The following WAPL variants were observed in gnomAD, a reference collection of about 807,000 sequenced individuals.
WAPL encodes wings apart-like protein homolog.
WAPL carries 5 observed loss-of-function variants against 121.0 expected under a neutral mutation model. The observed-to-expected ratio is 0.04, with a 90% CI of 0.02 to 0.09. The LOEUF is 0.09. Among genes scored for constraint, WAPL ranks in the 10% least tolerant of loss-of-function variants. The probability of loss-of-function intolerance (pLI) is 1.00; values close to 1 mark genes in which losing one functional copy is unlikely to be tolerated. For missense variants in WAPL, 999 were observed against 1,410.8 expected, an observed-to-expected ratio of 0.71 and a Z score of 4.68; for synonymous variants, 480 against 481.5, an observed-to-expected ratio of 1.00 and a Z score of 0.04.
At position 86,495,075 on chromosome 10, in the gene WAPL, G is replaced by C. The variant is rs148788077; in HGVS notation, c.1644+2126C>G. Among the ~76,000 whole-genome samples, 827 of 152,178 alleles carry C rather than the reference G, an allele frequency of 5.4e-3. 21 individuals carry two copies. Among genetic ancestry groups the C allele is most frequent in the East Asian group, 5.6e-3 (29 of 5,180 alleles). On this transcript the variant is annotated intron_variant, in intron 4 of 18. Coordinates refer to ENST00000298767, the MANE Select transcript of WAPL (RefSeq NM_015045.5). ...ACACTCATTCTTTAGTTATTTAAAA[G>C]CAATTCAATCTACAAGAATAAAAGG...
At chr10:86,501,444 C>T (rs1281674022) in intron 2 of WAPL, among the ~76,000 whole-genome samples, 1 of 152,132 alleles carries the variant, frequency 6.6e-6, no homozygotes, top group African/African-American at 2.4e-5. Context: ...TTTTTACAAC[C>T]TTTCCAAATG....
chr10:86,472,240 C>T lies in WAPL; in HGVS notation c.1998G>A (p.Lys666=), dbSNP rs777196142. The change falls in exon 7 of 19, where the codon AAG becomes AAA. Residue 666 remains lysine, a synonymous_variant. Coordinates refer to ENST00000298767, the MANE Select transcript of WAPL (RefSeq NM_015045.5). This position sits in a 1 kb window ranked among gnomAD's most constrained non-coding sequence, Gnocchi z 4.2. ...AACGTGTGTTTAGAGGCTGAGTGCT[C>T]TTTAAGCCACTTAACAAGTACTCAA... ...DDIEYLLSGL[K]STQPLNTRCL... 9.4e-6 allele frequency: 15 copies of T among 1,592,764 alleles called. No homozygotes were observed. In the South Asian group the frequency reaches 1.2e-4, roughly 12 times the overall value.
Position 86,460,390 on chromosome 10 carries a change from C to T in WAPL, c.2580+9G>A, listed in dbSNP as rs1360056455. 3 of 1,612,004 alleles carry T rather than the reference C, an allele frequency of 1.9e-6. No homozygotes were observed. Among genetic ancestry groups the T allele is most frequent in the Non-Finnish European group, 1.7e-6 (2 of 1,179,034 alleles). On this transcript the variant is annotated intron_variant, in intron 11 of 18. Transcript: ENST00000298767. ...GAATAATTTTTGCCAAATAGTCATC[C>T]ATACTTACACTTTCTAAAACTCGTA...
At chr10:86,441,252 T>C (rs1350840959) in intron 17 of WAPL, among the ~76,000 whole-genome samples, 2 of 152,198 alleles carry the variant, frequency 1.3e-5, no homozygotes, top group African/African-American at 4.8e-5. Context: ...TGCTGGACCC[T>C]TCTTCAACAG....
chr10:86,515,250 G>A lies in WAPL; in HGVS notation c.499+2321C>T, dbSNP rs189711286. Reference sequence around the variant, plus strand: ...CACTCCAGCCTGGGGGGACAAGAGCGAGACTTCATCTCAAAAAAAAAAAAG... The same window carrying A: ...CACTCCAGCCTGGGGGGACAAGAGCAAGACTTCATCTCAAAAAAAAAAAAG... On this transcript the variant is annotated intron_variant, in intron 2 of 18. Coordinates refer to ENST00000298767, the MANE Select transcript of WAPL (RefSeq NM_015045.5). Among the ~76,000 whole-genome samples the A allele has an allele frequency of 5.3e-5, 8 of 150,294 alleles. No individual in the cohort carries two copies. The East Asian group carries it at 9.8e-4, about 18-fold the overall frequency.
chr10:86,521,145 G>C (rs1389521762), intron 1 of WAPL, among the ~76,000 whole-genome samples: 2 of 152,188 alleles, frequency 1.3e-5, no homozygotes, highest in South Asian at 2.1e-4. Context: ...CACTTGACTG[G>C]GTTTGGGGAG....
chr10:86,453,435 G>C (rs1841049548), intron 13 of WAPL, 100 bp from the exon 14 acceptor site: 1 of 1,311,944 alleles, frequency 7.6e-7, no homozygotes, highest in African/African-American at 1.5e-5. Context: ...GAATTGTATA[G>C]TCATTCCTCT....
rs1465978819 is a variant in WAPL at position 86,517,769 on chromosome 10, T to G, written c.301A>C (p.Ser101Arg). 1 of 1,614,180 alleles carries G rather than the reference T, an allele frequency of 6.2e-7. No homozygotes were observed. Among genetic ancestry groups the G allele is most frequent in the Non-Finnish European group, 8.5e-7 (1 of 1,180,024 alleles). The change falls in exon 2 of 19, where the codon AGT becomes CGT. Residue 101 changes from serine (S) to arginine (R), a missense_variant. This residue lies in a region of WAPL where 531 missense variants were observed against 563.1 expected (regional missense o/e 0.94). Transcript: ENST00000298767. The part of the protein sequence containing the change: ...QVKCSSYSES[S>R]EAAQLEEVTS... Reference sequence around the variant, plus strand: ...ACCTCTTCCAACTGAGCAGCTTCACTAGATTCTGAATAAGAGGAACACTTA... The same window carrying G: ...ACCTCTTCCAACTGAGCAGCTTCACGAGATTCTGAATAAGAGGAACACTTA...
chr10:86,484,098 A>G (rs1247121599), intron 4 of WAPL, among the ~76,000 whole-genome samples: 2 of 152,212 alleles, frequency 1.3e-5, no homozygotes, highest in African/African-American at 4.8e-5. Context: ...ATAAAGAATG[A>G]AAATATTTTT....
At chr10:86,473,074 A>G (rs1386070058) in intron 5 of WAPL, among the ~76,000 whole-genome samples, 1 of 152,204 alleles carries the variant, frequency 6.6e-6, no homozygotes, top group Non-Finnish European at 1.5e-5. Context: ...AACTGCATGC[A>G]AAAATAGCTT....
At chr10:86,459,190 G>A in intron 11 of WAPL, 125 bp from the exon 12 acceptor site, 55 of 674,328 alleles carry the variant, frequency 8.2e-5, no homozygotes, top group South Asian at 2.3e-4. Flanking sequence ...GTTACCAAAG[G>A]GAATAATTTC....
chr10:86,438,674 A>ATGTACTC (rs1255174163), intron 17 of WAPL, among the ~76,000 whole-genome samples: 1 of 152,190 alleles, frequency 6.6e-6, no homozygotes, highest in East Asian at 1.9e-4. Context: ...AGACCTGAGA[A>ATGTACTC]TGTACTCACA....
chr10:86,445,360 C>T (rs1849582003), intron 16 of WAPL, among the ~76,000 whole-genome samples: 1 of 152,088 alleles, frequency 6.6e-6, no homozygotes, highest in Non-Finnish European at 1.5e-5. Context: ...GGATGTGGAA[C>T]CCACATGTAT....
intron 11 of WAPL, among the ~76,000 whole-genome samples, 198 bp downstream of exon 11, chr10:86,460,201 C>A (rs1470828255): frequency 6.6e-6 from 1 of 152,154 alleles, no homozygotes; most frequent in African/African-American, 2.4e-5. Context: ...AGCAATAATA[C>A]ATGTACTCTT....
At chr10:86,455,697 G>GAAAAAAAAAAAAAAA (rs1220963010) in intron 12 of WAPL, among the ~76,000 whole-genome samples, 2 of 131,342 alleles carry the variant, frequency 1.5e-5, no homozygotes, top group East Asian at 2.2e-4. Context: ...AAAAAAAAAA[G>GAAAAAAAAAAAAAAA]AAAGAAAGAA....
chr10:86,464,782 GCCGAGATCA>G (rs1307767010), intron 9 of WAPL, among the ~76,000 whole-genome samples: 1 of 151,630 alleles, frequency 6.6e-6, no homozygotes, highest in Non-Finnish European at 1.5e-5. Context: ...GCTGCAGTGA[GCCGAGATCA>G]CACCACTGCA....
At chr10:86,446,614 G>A (rs1202114156) in intron 15 of WAPL, among the ~76,000 whole-genome samples, 165 bp from the exon 16 acceptor site, 1 of 152,172 alleles carries the variant, frequency 6.6e-6, no homozygotes, top group Non-Finnish European at 1.5e-5. Flanking sequence ...ACACCCTACT[G>A]AAAGCCAAAA....
chr10:86,475,585 G>T (rs1841631792), intron 4 of WAPL, among the ~76,000 whole-genome samples: 1 of 152,166 alleles, frequency 6.6e-6, no homozygotes, highest in Non-Finnish European at 1.5e-5. Flanking sequence ...TAAATGCCAG[G>T]TTTGCATAAC....
In WAPL at chr10:86,518,048, T is replaced by G; in HGVS notation, c.22A>C (p.Thr8Pro). The change falls in exon 2 of 19, where the codon ACA becomes CCA. Residue 8 changes from threonine to proline, a missense_variant. Coordinates refer to ENST00000298767, the MANE Select transcript of WAPL (RefSeq NM_015045.5). MTSRFGK[T>P]YSRKGGNGSS... ...CCATTTCCACCTTTCCTACTGTATG[T>G]TTTCCCAAATCTGGATGTCATTTTG... is the stretch of plus-strand genomic sequence containing the variant. 1 of 1,613,010 alleles carries G rather than the reference T, an allele frequency of 6.2e-7. No homozygotes were observed. The highest frequency in any genetic ancestry group is 8.5e-7 in the Non-Finnish European group (1 of 1,179,640).
Sources: gnomAD v4.1 joint callset for allele counts (sites outside exome capture counted in the v4.1 genomes callset) on GRCh38, gnomAD v4.1.1 for gene constraint, gnomAD v4.1.1 regional missense constraint, Gnocchi (gnomAD v3.1) non-coding constraint, MANE v1.5 for transcripts, NCBI Gene and HGNC (gene_info 2026-07-23, HGNC 2026-07-21) for gene names.